Variants in CSMD3 observed in about 807,000 individuals in gnomAD.
The protein encoded by CSMD3 is CUB and Sushi multiple domains 3.
A neutral mutation model predicts 435.2 loss-of-function variants in CSMD3; 177 were observed. That is an observed-to-expected ratio of 0.41 (90% CI 0.36 to 0.46). The LOEUF (loss-of-function observed/expected upper bound fraction) is 0.46. Among genes scored for constraint, CSMD3 ranks in the 20% least tolerant of loss-of-function variants. The pLI is 0.34. For synonymous variants in CSMD3, 1,656 were observed against 1,520.5 expected (o/e 1.09, Z -2.07); for missense variants, 4,265 against 4,504.6 (o/e 0.95, Z 1.52).
At chr8:112,488,163 T>C (rs1404496984) in intron 31 of CSMD3, among the ~76,000 whole-genome samples, 1 of 152,174 alleles carries the variant, frequency 6.6e-6, no homozygotes, top group African/African-American at 2.4e-5. Flanking sequence ...CAACTTAAGC[T>C]CTTAAAAACA....
At chr8:112,662,311 G>C (rs1170461862) in intron 17 of CSMD3, among the ~76,000 whole-genome samples, 1 of 152,120 alleles carries the variant, frequency 6.6e-6, no homozygotes, top group Non-Finnish European at 1.5e-5. Context: ...CATGGTACTG[G>C]TACCAAAACA....
intron 13 of CSMD3, among the ~76,000 whole-genome samples, chr8:112,715,655 C>T (rs186712594): frequency 6.6e-6 from 1 of 152,270 alleles, no homozygotes; most frequent in African/African-American, 2.4e-5. Context: ...CCCTGATGAA[C>T]ATCGAAGTGA....
chr8:113,245,523 A>C (rs1301191601), intron 3 of CSMD3, among the ~76,000 whole-genome samples: 1 of 152,178 alleles, frequency 6.6e-6, no homozygotes, highest in East Asian at 1.9e-4. Context: ...AAAAAACTTT[A>C]ATATATGCCA....
At chr8:112,689,722 G>T in intron 14 of CSMD3, 146 bp downstream of exon 14, 1 of 656,086 alleles carries the variant, frequency 1.5e-6, no homozygotes, top group Non-Finnish European at 2.6e-6. Flanking sequence ...TTTGGCATAA[G>T]CACACTTGTT....
chr8:113,073,714 TC>T (rs919153782), intron 5 of CSMD3, among the ~76,000 whole-genome samples: 1 of 151,752 alleles, frequency 6.6e-6, no homozygotes, highest in Non-Finnish European at 1.5e-5. Flanking sequence ...CTTTTTTTTT[TC>T]AGTAAAAATA....
intron 1 of CSMD3, among the ~76,000 whole-genome samples, chr8:113,405,471 T>TAAC (rs2094528522): frequency 6.6e-6 from 1 of 151,614 alleles, no homozygotes; most frequent in African/African-American, 2.4e-5. Flanking sequence ...TTCATTGTAA[T>TAAC]AAGTGAAATA....
chr8:112,778,602 G>T lies in CSMD3; in HGVS notation c.1972+21560C>A, dbSNP rs538924292. Among the ~76,000 whole-genome samples, 10 of 151,970 alleles carry T rather than the reference G, an allele frequency of 6.6e-5. No individual in the cohort carries two copies. The South Asian group carries it at 1.9e-3, about 28-fold the overall frequency. ...TCACCTACTGAAAGACATTCTGGTT[G>T]CTTCCAAATTGACAAATATGGATAA... is the stretch of plus-strand genomic sequence containing the variant. On this transcript the variant is annotated intron_variant, in intron 13 of 70. Coordinates refer to ENST00000297405, the MANE Select transcript of CSMD3 (RefSeq NM_198123.2).
At chr8:113,231,797 G>C (rs1013574389) in intron 3 of CSMD3, among the ~76,000 whole-genome samples, 1 of 151,336 alleles carries the variant, frequency 6.6e-6, no homozygotes, top group Admixed American at 6.6e-5. Context: ...CTAAAAACAG[G>C]AGTGATATTA....
intron 10 of CSMD3, among the ~76,000 whole-genome samples, chr8:112,872,132 T>C (rs556552970): frequency 6.6e-6 from 1 of 152,116 alleles, no homozygotes; most frequent in South Asian, 2.1e-4. Context: ...CAAACACAAG[T>C]ATCTGAAGGT....
intron 16 of CSMD3, among the ~76,000 whole-genome samples, chr8:112,679,895 C>G (rs144513423): frequency 1.2e-3 from 189 of 152,258 alleles, no homozygotes; most frequent in Non-Finnish European, 2.4e-3. Flanking sequence ...CACAGGGTAA[C>G]TTTGGAGCTA....
At chr8:112,479,244 T>C (rs1424333052) in intron 31 of CSMD3, among the ~76,000 whole-genome samples, 2 of 152,178 alleles carry the variant, frequency 1.3e-5, no homozygotes, top group Non-Finnish European at 2.9e-5. Flanking sequence ...TATAGTTAGC[T>C]ACAGGAGCAA....
chr8:113,316,581 G>C (rs988177846), intron 1 of CSMD3, among the ~76,000 whole-genome samples: 1 of 146,180 alleles, frequency 6.8e-6, no homozygotes, highest in Non-Finnish European at 1.5e-5. Context: ...ACGGAATCTT[G>C]CTCTGTTGCC....
chr8:113,422,588 A>G (rs112194680), intron 1 of CSMD3, among the ~76,000 whole-genome samples: 11 of 152,258 alleles, frequency 7.2e-5, no homozygotes, highest in African/African-American at 2.4e-4. Flanking sequence ...AGGCAACACA[A>G]TATCACCCTC....
At chr8:112,509,534 C>G (rs1239100139) in intron 28 of CSMD3, among the ~76,000 whole-genome samples, 1 of 152,192 alleles carries the variant, frequency 6.6e-6, no homozygotes, top group Non-Finnish European at 1.5e-5. Context: ...ATAATGAAGA[C>G]TTTGCTGCCT....
intron 6 of CSMD3, among the ~76,000 whole-genome samples, chr8:113,002,692 T>A (rs550528600): frequency 1.3e-5 from 2 of 152,192 alleles, no homozygotes; most frequent in South Asian, 4.1e-4. Flanking sequence ...TGTGACTAGG[T>A]TATAACTTTA....
intron 5 of CSMD3, among the ~76,000 whole-genome samples, chr8:113,059,843 T>C (rs1379887757): frequency 6.6e-6 from 1 of 152,116 alleles, no homozygotes; most frequent in African/African-American, 2.4e-5. Context: ...CCGTTTAAAC[T>C]GCAGGAGGAA....
At position 112,550,815 on chromosome 8, in the gene CSMD3, C is replaced by T. The variant is rs1827613611; in HGVS notation, c.4420G>A (p.Gly1474Ser). The T allele has an allele frequency of 8.7e-6, 14 of 1,611,518 alleles. No homozygotes were observed. Among genetic ancestry groups the T allele is most frequent in the East Asian group, 2.2e-5 (1 of 44,762 alleles). The change falls in exon 27 of 71, where the codon GGT becomes AGT. Residue 1474 changes from glycine to serine, a missense_variant. Gly to Ser is a moderately conservative substitution (Grantham distance 56). Coordinates refer to ENST00000297405, the MANE Select transcript of CSMD3 (RefSeq NM_198123.2). The stretch of plus-strand genomic sequence containing the variant: ...AAAAGCATATCATTTTCTGGTGGAC[C>T]GTCCCAGACTCGGAGTATATCATGT... ...ASHDILRVWD[G>S]PPENDMLLKE...
intron 11 of CSMD3, among the ~76,000 whole-genome samples, chr8:112,839,479 A>G (rs1190346746): frequency 6.6e-6 from 1 of 151,790 alleles, no homozygotes; most frequent in African/African-American, 2.4e-5. Flanking sequence ...TATAATTTAA[A>G]TTCCATAATA....
At chr8:112,915,567 A>G (rs1412887947) in intron 10 of CSMD3, among the ~76,000 whole-genome samples, 2 of 151,864 alleles carry the variant, frequency 1.3e-5, no homozygotes, top group African/African-American at 4.8e-5. Context: ...CTAAAGATAC[A>G]TTGTTTAAAC....
Sources: gnomAD v4.1 joint callset for allele counts (sites outside exome capture counted in the v4.1 genomes callset) on GRCh38, gnomAD v4.1.1 for gene constraint, MANE v1.5 for transcripts, NCBI Gene and HGNC (gene_info 2026-07-23, HGNC 2026-07-21) for gene names.